Variants in FOSL2 observed in about 807,000 individuals in gnomAD.
The protein encoded by FOSL2 is FOS like 2, AP-1 transcription factor subunit, also known as fos-related antigen 2.
A neutral mutation model predicts 27.7 loss-of-function variants in FOSL2; 3 were observed. The ratio of observed to expected loss-of-function variants is 0.11; its 90% CI spans 0.05 to 0.28. The LOEUF is 0.28. Among genes scored for constraint, FOSL2 ranks in the 10% least tolerant of loss-of-function variants. FOSL2 has a pLI of 1.00. For missense variants in FOSL2, 333 were observed against 445.1 expected (o/e 0.75, Z 2.27); for synonymous variants, 179 against 190.1 (o/e 0.94, Z 0.48).
In FOSL2 at chr2:28,415,657, A is replaced by T. The variant is rs1388190077; in HGVS notation, c.*3209A>T. The T allele has an allele frequency of 6.6e-6, 1 of 152,214 alleles. No individual in the cohort carries two copies. Among genetic ancestry groups the T allele is most frequent in the East Asian group, 1.9e-4 (1 of 5,198 alleles). The allele number at this position is 152,214 out of a possible 1,614,324, so 9.4% of individuals were successfully genotyped here. ...CAGGTCGATTTCCTTTCCTGATCAG[A>T]CATCTTTGTGCCCCCTTTAGGAAGG... On this transcript the variant is annotated 3_prime_UTR_variant, in exon 4 of 4. Transcript: ENST00000264716.
chr2:28,396,470 G>C (rs1663837617), intron 1 of FOSL2, among the ~76,000 whole-genome samples: 2 of 124,566 alleles, frequency 1.6e-5, no homozygotes, highest in Admixed American at 7.6e-5. Context: ...TCTTTTTGCT[G>C]TTGTTTTTTC....
chr2:28,399,096 A>G (rs1407101460), intron 1 of FOSL2, among the ~76,000 whole-genome samples: 1 of 152,166 alleles, frequency 6.6e-6, no homozygotes, highest in East Asian at 1.9e-4. Flanking sequence ...TCCTAGATAC[A>G]CTCAATCATA....
At position 28,404,009 on chromosome 2, in the gene FOSL2, C is replaced by T. The variant is rs1396806973; in HGVS notation, c.103-98C>T. Reference sequence around the variant, plus strand: ...TTGCCCTTCGAACACTGACTGTGCTCTGTGCTGGTTTTTGCCTCAGCTCTG... The same window carrying T: ...TTGCCCTTCGAACACTGACTGTGCTTTGTGCTGGTTTTTGCCTCAGCTCTG... On this transcript the variant is annotated intron_variant, in intron 1 of 3. Transcript: ENST00000264716. This position sits in a 1 kb window ranked among gnomAD's most constrained non-coding sequence, Gnocchi z 4.7. The T allele has an allele frequency of 1.4e-6, 2 of 1,429,712 alleles. No homozygotes were observed. Among genetic ancestry groups the T allele is most frequent in the Non-Finnish European group, 1.9e-6 (2 of 1,035,924 alleles). The allele number at this position is 1,429,712 out of a possible 1,614,324, so 88.6% of individuals were successfully genotyped here. A position where few individuals can be genotyped will look rare whatever the true frequency, so the allele number is the denominator to read the frequency against.
chr2:28,399,873 G>A (rs551296262), intron 1 of FOSL2, among the ~76,000 whole-genome samples: 3 of 152,242 alleles, frequency 2.0e-5, no homozygotes, highest in African/African-American at 4.8e-5. Flanking sequence ...GGCTGCTTTC[G>A]CACTGCAGTG....
chr2:28,400,843 A>G (rs565497619), intron 1 of FOSL2, among the ~76,000 whole-genome samples: 13 of 152,262 alleles, frequency 8.5e-5, no homozygotes, highest in Admixed American at 2.0e-4. Flanking sequence ...ACTTATTCTG[A>G]AGGGGTCTTT....
rs1664219922 is a variant in FOSL2, at chr2:28,412,247, C to T, written c.780C>T (p.Pro260=). The T allele has an allele frequency of 6.2e-7, 1 of 1,613,942 alleles. No homozygotes were observed. Among genetic ancestry groups the T allele is most frequent in the Non-Finnish European group, 8.5e-7 (1 of 1,179,980 alleles). Residue 260 remains proline (P), a synonymous_variant, in exon 4 of 4, where the codon CCC becomes CCT. Transcript: ENST00000264716. This position sits in a 1 kb window ranked among gnomAD's most constrained non-coding sequence, Gnocchi z 7.1. ...SIAGGFYGEE[P]LHTPIVVTST... ...CTGGGGGCTTCTACGGTGAGGAGCC[C>T]CTGCACACCCCCATCGTGGTGACCT...
chr2:28,398,051 G>A (rs936363184), intron 1 of FOSL2, among the ~76,000 whole-genome samples: 3 of 152,300 alleles, frequency 2.0e-5, no homozygotes, highest in South Asian at 2.1e-4. Flanking sequence ...CACCTTTGCC[G>A]TCAATAACTT....
Position 28,414,307 on chromosome 2 carries a change from G to T in FOSL2, c.*1859G>T, listed in dbSNP as rs80003980. ...CCGTATGCTTAAAGTACATGGGCCAGTGGGACTGGAAGTGACCTGTACAAG... is the reference window on the plus strand; with the variant it reads ...CCGTATGCTTAAAGTACATGGGCCATTGGGACTGGAAGTGACCTGTACAAG... On this transcript the variant is annotated 3_prime_UTR_variant, in exon 4 of 4. Coordinates refer to ENST00000264716, the MANE Select transcript of FOSL2 (RefSeq NM_005253.4). The T allele has an allele frequency of 2.0e-4, 31 of 154,340 alleles. No homozygotes were observed. The East Asian group carries it at 5.7e-3, about 28-fold the overall frequency. 9.6% of individuals were successfully genotyped at this position (154,340 alleles called of 1,614,324 possible).
chr2:28,393,143 C>A lies in FOSL2; in HGVS notation c.-578C>A. The A allele has an allele frequency of 3.1e-6, 1 of 326,036 alleles. No individual in the cohort carries two copies. Among genetic ancestry groups the A allele is most frequent in the African/African-American group, 2.2e-5 (1 of 45,734 alleles). The allele number at this position is 326,036 out of a possible 1,614,324, so 20.2% of individuals were successfully genotyped here. A position where few individuals can be genotyped will look rare whatever the true frequency, so the allele number is the denominator to read the frequency against. ...GGGGCCGCGGGACGGGCGCACGCCGCCTTCTCCTAGTCAAGTATCCGAGCC... is the reference window on the plus strand; with the variant it reads ...GGGGCCGCGGGACGGGCGCACGCCGACTTCTCCTAGTCAAGTATCCGAGCC... On this transcript the variant is annotated 5_prime_UTR_variant, in exon 1 of 4. Transcript: ENST00000264716. This position sits in a 1 kb window ranked among gnomAD's most constrained non-coding sequence, Gnocchi z 4.6.
chr2:28,404,040 T>C lies in FOSL2; in HGVS notation c.103-67T>C. ...TGGTTTTTGCCTCAGCTCTGTTCAATTATTATTAACTATCCTGTTCAGCTT... is the reference window on the plus strand; with the variant it reads ...TGGTTTTTGCCTCAGCTCTGTTCAACTATTATTAACTATCCTGTTCAGCTT... On this transcript the variant is annotated intron_variant, in intron 1 of 3. Transcript: ENST00000264716. This position sits in a 1 kb window ranked among gnomAD's most constrained non-coding sequence, Gnocchi z 4.7. 2.5e-6 allele frequency: 4 copies of C among 1,574,700 alleles called. No individual in the cohort carries two copies. The highest frequency in any genetic ancestry group is 3.5e-6 in the Non-Finnish European group (4 of 1,152,460).
chr2:28,403,108 G>T (rs1664007813), intron 1 of FOSL2, among the ~76,000 whole-genome samples: 1 of 152,142 alleles, frequency 6.6e-6, no homozygotes, highest in Non-Finnish European at 1.5e-5. Flanking sequence ...TCCATTAGGG[G>T]GACTTGCCTC....
In FOSL2 at chr2:28,408,038, T is replaced by A. The variant is rs1478001384; in HGVS notation, c.355-721T>A. The stretch of plus-strand genomic sequence containing the variant: ...TGCTCACTTGTTGAGTGGACAGATA[T>A]GGTGGGCAGCAGGATTTTACCTGCT... On this transcript the variant is annotated intron_variant, in intron 2 of 3. Coordinates refer to ENST00000264716, the MANE Select transcript of FOSL2 (RefSeq NM_005253.4). This position sits in a 1 kb window ranked among gnomAD's most constrained non-coding sequence, Gnocchi z 4.1. Among the ~76,000 whole-genome samples, 1 of 152,162 alleles carries A rather than the reference T, an allele frequency of 6.6e-6. No homozygotes were observed. The highest frequency in any genetic ancestry group is 2.4e-5 in the African/African-American group (1 of 41,436).
At chr2:28,398,360 C>T (rs1390913914) in intron 1 of FOSL2, among the ~76,000 whole-genome samples, 1 of 152,170 alleles carries the variant, frequency 6.6e-6, no homozygotes, top group African/African-American at 2.4e-5. Context: ...CCTGGTCTCT[C>T]GGCCCTGTCC....
chr2:28,401,110 T>TC (rs955367785), intron 1 of FOSL2, among the ~76,000 whole-genome samples: 8 of 151,954 alleles, frequency 5.3e-5, no homozygotes, highest in Admixed American at 4.6e-4. Flanking sequence ...CTGGCACTTC[T>TC]CCCCAGAGCC....
rs1022428839 is a variant in FOSL2, at chr2:28,416,160, G to A, written c.*3712G>A. 6.6e-6 allele frequency: 1 copy of A among 151,942 alleles called. No homozygotes were observed. The highest frequency in any genetic ancestry group is 2.1e-4 in the South Asian group (1 of 4,820). The allele number at this position is 151,942 out of a possible 1,614,324, so 9.4% of individuals were successfully genotyped here. A position where few individuals can be genotyped will look rare whatever the true frequency, so the allele number is the denominator to read the frequency against. On this transcript the variant is annotated 3_prime_UTR_variant, in exon 4 of 4. Transcript: ENST00000264716. The stretch of plus-strand genomic sequence containing the variant: ...CGCATGTGTGTATACATTTCCAGGC[G>A]TGCCTGTGTCCTGTAGCTTTTTAAA...
At chr2:28,398,201 G>A (rs1663896931) in intron 1 of FOSL2, among the ~76,000 whole-genome samples, 1 of 152,232 alleles carries the variant, frequency 6.6e-6, no homozygotes, top group Non-Finnish European at 1.5e-5. Flanking sequence ...TATGTTGTAT[G>A]TGGTGTCTTT....
Position 28,395,243 on chromosome 2 carries a change from A to G in FOSL2, c.102+1421A>G, listed in dbSNP as rs555946258. On this transcript the variant is annotated intron_variant, in intron 1 of 3. Transcript: ENST00000264716. ...CTAGTGGTTTGTGTTGAATGTAAAC[A>G]TAATGAGGGAATAGGTTGAAGTCTG... Among the ~76,000 whole-genome samples, 3 of 152,344 alleles carry G rather than the reference A, an allele frequency of 2.0e-5. No homozygotes were observed. In the South Asian group the frequency reaches 6.2e-4, roughly 32 times the overall value.
At position 28,408,360 on chromosome 2, in the gene FOSL2, T is replaced by A. The variant is rs1261879256; in HGVS notation, c.355-399T>A. 6.6e-6 allele frequency among the ~76,000 whole-genome samples: 1 copy of A among 152,140 alleles called. No individual in the cohort carries two copies. The highest frequency in any genetic ancestry group is 2.1e-4 in the South Asian group (1 of 4,826). ...CAGGGTTTGGAAGAAGCTGCTTAAG[T>A]GGGTGGGGCCACGCCTGGCTGGCAG... On this transcript the variant is annotated intron_variant, in intron 2 of 3. Transcript: ENST00000264716. The surrounding 1 kb of genome is among the most constrained non-coding windows in gnomAD (Gnocchi z 4.1).
At position 28,416,492 on chromosome 2, in the gene FOSL2, T is replaced by TA. The variant is rs1489484301; in HGVS notation, c.*4046dup. 2.1e-5 allele frequency: 3 copies of TA among 144,826 alleles called. No individual in the cohort carries two copies. Among genetic ancestry groups the TA allele is most frequent in the African/African-American group, 7.7e-5 (3 of 38,882 alleles). 9.0% of individuals were successfully genotyped at this position (144,826 alleles called of 1,614,324 possible). A position where few individuals can be genotyped will look rare whatever the true frequency, so the allele number is the denominator to read the frequency against. On this transcript the variant is annotated 3_prime_UTR_variant, in exon 4 of 4. Transcript: ENST00000264716. ...TTTTTTTTTTTTTTTAAATTTAGGA[T>TA]AACACATTTTTGTTTCTAAAGTGAT...
Sources: allele counts gnomAD v4.1 joint callset (sites outside exome capture counted in the v4.1 genomes callset), GRCh38; gene constraint gnomAD v4.1.1; non-coding constraint Gnocchi (gnomAD v3.1); transcripts MANE v1.5; gene names NCBI Gene and HGNC (gene_info 2026-07-23, HGNC 2026-07-21).